Variants in TBC1D9 observed in about 807,000 individuals in gnomAD.
TBC1D9 encodes TBC1 domain family member 9A.
TBC1D9 carries 63 observed loss-of-function variants against 132.0 expected under a neutral mutation model. That is an observed-to-expected ratio of 0.48 (90% CI 0.39 to 0.59). TBC1D9 has a LOEUF of 0.59. TBC1D9 is among the 20% of genes least tolerant of loss of function. The pLI, the probability that TBC1D9 is intolerant of heterozygous loss-of-function variation, is 0.00. For missense variants in TBC1D9, 1,261 were observed against 1,592.7 expected, an observed-to-expected ratio of 0.79 and a Z score of 3.54; for synonymous variants, 610 against 609.9, an observed-to-expected ratio of 1.00 and a Z score of 0.00.
intron 13 of TBC1D9, chr4:140,643,376 G>T: frequency 7.8e-7 from 1 of 1,285,832 alleles, no homozygotes; most frequent in Non-Finnish European, 1.1e-6. Context: ...GCAGAGGCCT[G>T]GCCTGGGGCA....
At chr4:140,643,568 G>C (rs1404271284) in intron 13 of TBC1D9, 2 of 881,706 alleles carry the variant, frequency 2.3e-6, no homozygotes, top group Admixed American at 2.3e-5. Context: ...GGCTGGGCTG[G>C]GGCTCGCTCA....
chr4:140,719,398 A>G (rs1738388695), intron 1 of TBC1D9, among the ~76,000 whole-genome samples: 2 of 152,166 alleles, frequency 1.3e-5, no homozygotes, highest in South Asian at 4.1e-4. Flanking sequence ...ATAATGCTTA[A>G]TTTTGGAGCA....
At position 140,679,832 on chromosome 4, in the gene TBC1D9, T is replaced by C. The variant is rs1578837568; in HGVS notation, c.372A>G (p.Ala124=). ...FVRGKIQGII[A]EYNKINDVKE... ...TTACATCATTGATTTTGTTGTATTC[T>C]GCAATGATGCCCTAATAAGGAATAA... The change falls in exon 4 of 21, where the codon GCA becomes GCG. Residue 124 remains alanine (A), a synonymous_variant. Coordinates refer to ENST00000442267, the MANE Select transcript of TBC1D9 (RefSeq NM_015130.3). The C allele has an allele frequency of 6.2e-7, 1 of 1,612,194 alleles. No individual in the cohort carries two copies. Among genetic ancestry groups the C allele is most frequent in the East Asian group, 2.2e-5 (1 of 44,862 alleles).
At chr4:140,634,229 G>T in intron 15 of TBC1D9, 41 bp from the exon 16 acceptor site, 1 of 1,592,618 alleles carries the variant, frequency 6.3e-7, no homozygotes, top group Non-Finnish European at 8.5e-7. Context: ...CTCTTTTGCA[G>T]CAAATACCAG....
At chr4:140,636,007 A>C (rs1241094573) in intron 15 of TBC1D9, among the ~76,000 whole-genome samples, 1 of 152,180 alleles carries the variant, frequency 6.6e-6, no homozygotes, top group East Asian at 1.9e-4. Context: ...CGGTTGACAA[A>C]GGTTACCCAA....
chr4:140,712,052 A>G (rs750487364), intron 1 of TBC1D9: 2 of 152,170 alleles, frequency 1.3e-5, no homozygotes, highest in Non-Finnish European at 2.9e-5. Flanking sequence ...GCCATCAAGC[A>G]AACAGACAGT....
At chr4:140,628,800 T>A (rs1736750272) in intron 16 of TBC1D9, among the ~76,000 whole-genome samples, 1 of 152,242 alleles carries the variant, frequency 6.6e-6, no homozygotes, top group Non-Finnish European at 1.5e-5. Flanking sequence ...TCAGAAATAA[T>A]TTCAAGATGT....
At chr4:140,720,070 T>C (rs138301258) in intron 1 of TBC1D9, among the ~76,000 whole-genome samples, 2 of 152,272 alleles carry the variant, frequency 1.3e-5, no homozygotes, top group African/African-American at 4.8e-5. Flanking sequence ...CATGAACCAA[T>C]TTTGCACAGC....
rs779300579 is a variant in TBC1D9, at chr4:140,755,935, G to T, written c.111C>A (p.Gly37=). Residue 37 remains glycine, a synonymous_variant, in exon 1 of 21, where the codon GGC becomes GGA. Transcript: ENST00000442267. The part of the protein sequence containing the change: ...QRRKGHAGDG[G]GGGGLAGLLV... ...CCTTACCCGCCAGTCCGCCGCCGCC[G>T]CCTCCATCGCCGGCGTGGCCCTTCC... 8.2e-6 allele frequency: 13 copies of T among 1,582,602 alleles called. No homozygotes were observed. Among genetic ancestry groups the T allele is most frequent in the Non-Finnish European group, 8.6e-6 (10 of 1,166,554 alleles).
intron 10 of TBC1D9, among the ~76,000 whole-genome samples, chr4:140,660,401 C>T (rs564820986): frequency 2.6e-5 from 4 of 152,342 alleles, no homozygotes; most frequent in African/African-American, 7.2e-5. Flanking sequence ...ACCTCCTGTA[C>T]TTCTTTTGAT....
chr4:140,646,048 C>T (rs1372130753), intron 13 of TBC1D9, among the ~76,000 whole-genome samples: 1 of 152,332 alleles, frequency 6.6e-6, no homozygotes, highest in East Asian at 1.9e-4. Flanking sequence ...TCTATCACCA[C>T]TTACTCTATG....
At chr4:140,657,937 G>T in intron 11 of TBC1D9, 125 bp from the exon 12 acceptor site, 5 of 1,103,852 alleles carry the variant, frequency 4.5e-6, no homozygotes, top group Non-Finnish European at 6.5e-6. Flanking sequence ...GTTCTGCTGT[G>T]ACTGTTACTA....
intron 18 of TBC1D9, among the ~76,000 whole-genome samples, chr4:140,625,511 C>T (rs1030131581): frequency 1.3e-5 from 2 of 152,166 alleles, no homozygotes; most frequent in African/African-American, 4.8e-5. Context: ...GCTGGTCAGA[C>T]AGAGATGTGG....
intron 9 of TBC1D9, 119 bp from the exon 10 acceptor site, chr4:140,662,226 G>A (rs188593184): frequency 2.1e-5 from 18 of 869,416 alleles, no homozygotes; most frequent in Admixed American, 1.8e-4. Context: ...ACTTGCAAGA[G>A]AAGGTGAAAT....
rs574774329 is a variant in TBC1D9 at position 140,697,713 on chromosome 4, GT to G, written c.241+3790del. Among the ~76,000 whole-genome samples the G allele has an allele frequency of 3.8e-3, 583 of 152,342 alleles. 2 individuals carry two copies. Among genetic ancestry groups the G allele is most frequent in the Non-Finnish European group, 4.1e-3 (279 of 68,032 alleles). On this transcript the variant is annotated intron_variant, in intron 2 of 20. Transcript: ENST00000442267. ...CATAGGAGTATTCACAGGAAGATCT[GT>G]TTCATAGCAATACCATGGCAAAGCC...
chr4:140,644,093 A>G, intron 13 of TBC1D9: 1 of 398,682 alleles, frequency 2.5e-6, no homozygotes, highest in East Asian at 5.5e-5. Context: ...GCAGCACATC[A>G]GGGGCCAGGC....
At chr4:140,642,580 C>T (rs1737021158) in intron 13 of TBC1D9, 3 of 950,538 alleles carry the variant, frequency 3.2e-6, no homozygotes, top group Non-Finnish European at 5.0e-6. Context: ...CCAACTGCTC[C>T]TGGTCGCTGT....
Position 140,647,894 on chromosome 4 carries a change from TGGGGGTCTCTCCCTCCCCCGACTTTGGG to T in TBC1D9, c.2338-8494_2338-8467del, listed in dbSNP as rs556162281. On this transcript the variant is annotated intron_variant, in intron 13 of 20. Coordinates refer to ENST00000442267, the MANE Select transcript of TBC1D9 (RefSeq NM_015130.3). ...AGGAATGTGAACAATTAGAATGACA[TGGGGGTCTCTCCCTCCCCCGACTTTGGG>T]GGGGGTCTCTCCCTCCCCCGACTTT... Among the ~76,000 whole-genome samples, 107 of 152,058 alleles carry T rather than the reference TGGGGGTCTCTCCCTCCCCCGACTTTGGG, an allele frequency of 7.0e-4. 1 individual carries two copies. The East Asian group carries it at 0.01, about 15-fold the overall frequency.
At chr4:140,676,850 A>T in intron 6 of TBC1D9, 44 bp downstream of exon 6, 1 of 1,604,118 alleles carries the variant, frequency 6.2e-7, no homozygotes, top group Non-Finnish European at 8.5e-7. Context: ...CCAGAAAAGT[A>T]TTACAAATGA....
Sources: allele counts gnomAD v4.1 joint callset (sites outside exome capture counted in the v4.1 genomes callset), GRCh38; gene constraint gnomAD v4.1.1; transcripts MANE v1.5; gene names NCBI Gene and HGNC (gene_info 2026-07-23, HGNC 2026-07-21).